SF1: variants seen among roughly 807,000 people sequenced by gnomAD.
SF1 encodes splicing factor 1, also known as branch point-binding protein.
In SF1, 7 loss-of-function variants were observed where a neutral mutation model predicts 62.5. The observed-to-expected ratio is 0.11, with a 90% CI of 0.06 to 0.21. The LOEUF (loss-of-function observed/expected upper bound fraction) is 0.21, where lower values mean the gene tolerates loss of function less well. Among genes scored for constraint, SF1 ranks in the 10% least tolerant of loss-of-function variants. The pLI, the probability that SF1 is intolerant of heterozygous loss-of-function variation, is 1.00. For synonymous variants in SF1, 394 were observed against 323.6 expected, an observed-to-expected ratio of 1.22 and a Z score of -2.33; for missense variants, 578 against 884.0, an observed-to-expected ratio of 0.65 and a Z score of 4.39.
In SF1 at chr11:64,767,066, T is replaced by C. The variant is rs147412519; in HGVS notation, c.1416A>G (p.Pro472=). ...RLHQGKGMMP[P]PPMGMMPPPP... ...GCGGCGGCATCATGCCCATAGGTGG[T>C]GGCGGCATCATACCTGTGGACAGGT... Residue 472 remains proline (P), a synonymous_variant, in exon 12 of 13, where the codon CCA becomes CCG. Coordinates refer to ENST00000377390, the MANE Select transcript of SF1 (RefSeq NM_004630.4). The C allele has an allele frequency of 2.8e-4, 446 of 1,583,544 alleles. No individual in the cohort carries two copies. Among genetic ancestry groups the C allele is most frequent in the Non-Finnish European group, 3.2e-4 (377 of 1,162,276 alleles).
Position 64,765,580 on chromosome 11 carries a change from A to C in SF1, c.*238T>G, listed in dbSNP as rs528989313. 694 of 1,548,326 alleles carry C rather than the reference A, an allele frequency of 4.5e-4. 1 individual carries two copies. Among genetic ancestry groups the C allele is most frequent in the Non-Finnish European group, 5.4e-4 (620 of 1,152,056 alleles). Reference sequence around the variant, plus strand: ...GGTGAGGAGAGAAAGAAGACAAAGAAGACACTCGATGCTACGGGGCGCCAG... The same window carrying C: ...GGTGAGGAGAGAAAGAAGACAAAGACGACACTCGATGCTACGGGGCGCCAG... On this transcript the variant is annotated 3_prime_UTR_variant, in exon 13 of 13. Transcript: ENST00000377390.
chr11:64,768,438 C>G, intron 8 of SF1, 152 bp from the exon 9 acceptor site: 1 of 717,432 alleles, frequency 1.4e-6, no homozygotes, highest in Non-Finnish European at 2.3e-6. Flanking sequence ...GCATGGCTCT[C>G]AACAGTCTCA....
intron 12 of SF1, chr11:64,766,439 C>T (rs1321236786): frequency 3.9e-6 from 2 of 512,766 alleles, no homozygotes; most frequent in South Asian, 5.1e-5. Flanking sequence ...CTCTGATGTC[C>T]CTCCGCCCAG....
At chr11:64,777,869 T>A (rs933594092) in intron 1 of SF1, 93 of 928,388 alleles carry the variant, frequency 1.0e-4, no homozygotes, top group Non-Finnish European at 1.1e-4. Flanking sequence ...CGCCCGGGCC[T>A]CCCCGTGCGC....
At position 64,768,966 on chromosome 11, in the gene SF1, A is replaced by G. The variant is rs979623408; in HGVS notation, c.887+56T>C. ...TAACAGCAACCAATGAATGTGCCAG[A>G]AAAGTTGTCCTGCACATCGCAGGCT... is the stretch of plus-strand genomic sequence containing the variant. On this transcript the variant is annotated intron_variant, in intron 8 of 12. Transcript: ENST00000377390. 6 of 1,165,314 alleles carry G rather than the reference A, an allele frequency of 5.1e-6. No individual in the cohort carries two copies. The East Asian group carries it at 9.3e-5, about 18-fold the overall frequency. The allele number at this position is 1,165,314 out of a possible 1,614,324, so 72.2% of individuals were successfully genotyped here. A position where few individuals can be genotyped will look rare whatever the true frequency, so the allele number is the denominator to read the frequency against.
intron 1 of SF1, 72 bp from the exon 2 acceptor site, chr11:64,776,698 G>A (rs1224676985): frequency 8.3e-6 from 12 of 1,451,734 alleles, no homozygotes; most frequent in South Asian, 6.2e-5. Context: ...GGGTATTTAA[G>A]GTACTACACA....
chr11:64,766,477 A>C, intron 12 of SF1: 1 of 469,048 alleles, frequency 2.1e-6, no homozygotes, highest in South Asian at 2.8e-5. Context: ...CGGCACATTC[A>C]ACCTCAAGGC....
intron 12 of SF1, chr11:64,766,539 C>T (rs1313093331): frequency 1.4e-5 from 6 of 417,928 alleles, no homozygotes; most frequent in Non-Finnish European, 2.1e-5. Context: ...TCTCTCACCC[C>T]AATCGCAGCC....
intron 4 of SF1, 94 bp downstream of exon 4, chr11:64,770,157 TGAGGC>T: frequency 6.4e-7 from 1 of 1,557,704 alleles, no homozygotes; most frequent in East Asian, 2.2e-5. Flanking sequence ...ATGGGTGACT[TGAGGC>T]AAGAGGTGAG....
In SF1 at chr11:64,765,806, T is replaced by C. The variant is rs566910333; in HGVS notation, c.*12A>G. 36 of 1,530,046 alleles carry C rather than the reference T, an allele frequency of 2.4e-5. No individual in the cohort carries two copies. The highest frequency in any genetic ancestry group is 3.2e-5 in the Non-Finnish European group (36 of 1,140,834). The allele number at this position is 1,530,046 out of a possible 1,614,324, so 94.8% of individuals were successfully genotyped here. A position where few individuals can be genotyped will look rare whatever the true frequency, so the allele number is the denominator to read the frequency against. On this transcript the variant is annotated 3_prime_UTR_variant, in exon 13 of 13. Transcript: ENST00000377390. ...TCTCTATATATAATATATATTTTCTTAAAAAACAAGTCTAGTTCTGTGGTG... is the reference window on the plus strand; with the variant it reads ...TCTCTATATATAATATATATTTTCTCAAAAAACAAGTCTAGTTCTGTGGTG...
At position 64,768,069 on chromosome 11, in the gene SF1, G is replaced by A. The variant is rs538713667; in HGVS notation, c.1068+37C>T. On this transcript the variant is annotated intron_variant, in intron 9 of 12. Transcript: ENST00000377390. ...CTCCCAGTCTCTGCAGTAGAGAATG[G>A]GGAAGCCAGACCAAGAGAGCCAGCC... 20 of 1,585,416 alleles carry A rather than the reference G, an allele frequency of 1.3e-5. No individual in the cohort carries two copies. The South Asian group carries it at 2.2e-4, about 17-fold the overall frequency.
Position 64,765,274 on chromosome 11 carries a change from T to C in SF1, c.*544A>G. On this transcript the variant is annotated 3_prime_UTR_variant, in exon 13 of 13. Transcript: ENST00000377390. ...CAGAAGACCGGGGAGAGCATCTCCT[T>C]GGACGGAGTCTGAAGAAAGGAAAAG... The C allele has an allele frequency of 1.7e-6, 1 of 577,254 alleles. No homozygotes were observed. The highest frequency in any genetic ancestry group is 3.1e-6 in the Non-Finnish European group (1 of 319,098). 35.8% of individuals were successfully genotyped at this position (577,254 alleles called of 1,614,324 possible).
chr11:64,770,473 A>G lies in SF1; in HGVS notation c.237-65T>C, dbSNP rs1172895828. On this transcript the variant is annotated intron_variant, in intron 3 of 12. Coordinates refer to ENST00000377390, the MANE Select transcript of SF1 (RefSeq NM_004630.4). ...TTCTCTCATTCCCACACGGACTATAACAAGTCTTTCCCAGCCCCTCTGCCT... is the reference window on the plus strand; with the variant it reads ...TTCTCTCATTCCCACACGGACTATAGCAAGTCTTTCCCAGCCCCTCTGCCT... 7 of 1,565,068 alleles carry G rather than the reference A, an allele frequency of 4.5e-6. No homozygotes were observed. In the African/African-American group the frequency reaches 5.4e-5, roughly 12 times the overall value.
In SF1 at chr11:64,768,291, A is replaced by G. The variant is rs1472001103; in HGVS notation, c.888-5T>C. 6.2e-7 allele frequency: 1 copy of G among 1,613,082 alleles called. No individual in the cohort carries two copies. Among genetic ancestry groups the G allele is most frequent in the Admixed American group, 1.7e-5 (1 of 59,794 alleles). On this transcript the variant is annotated splice_region_variant and splice_polypyrimidine_tract_variant and intron_variant, in intron 8 of 12. Coordinates refer to ENST00000377390, the MANE Select transcript of SF1 (RefSeq NM_004630.4). ...GCTGACTGAGGATCACCAGGCCTGA[A>G]GTGGGGTGGGGGACACAAACAGAGA... is the stretch of plus-strand genomic sequence containing the variant.
intron 8 of SF1, 104 bp from the exon 9 acceptor site, chr11:64,768,390 T>C: frequency 9.9e-7 from 1 of 1,014,988 alleles, no homozygotes; most frequent in Non-Finnish European, 1.5e-6. Context: ...AAGAATTCAA[T>C]CACCAGATCA....
chr11:64,766,867 C>T (rs777743473), intron 12 of SF1, 33 bp downstream of exon 12: 1 of 1,013,838 alleles, frequency 9.9e-7, no homozygotes, highest in Non-Finnish European at 1.4e-6. Flanking sequence ...CCCCATCCCA[C>T]CCACCCCCAC....
At position 64,778,380 on chromosome 11, in the gene SF1, C is replaced by T. The variant is rs1374925797; in HGVS notation, c.13G>A (p.Ala5Thr). 4.1e-6 allele frequency: 5 copies of T among 1,228,636 alleles called. No individual in the cohort carries two copies. Among genetic ancestry groups the T allele is most frequent in the East Asian group, 3.2e-5 (1 of 31,254 alleles). 76.1% of individuals were successfully genotyped at this position (1,228,636 alleles called of 1,614,324 possible). A position where few individuals can be genotyped will look rare whatever the true frequency, so the allele number is the denominator to read the frequency against. Residue 5 changes from alanine to threonine, a missense_variant, in exon 1 of 13, where the codon GCG becomes ACG. Around this residue, in one of 7 missense-constraint regions of SF1, gnomAD observed 37 missense variants for 34.6 expected, o/e 1.07. Transcript: ENST00000377390. The part of the protein sequence containing the change: MATG[A>T]NATPLDFPSK... ...AGCTTACCCAACGGCGTGGCGTTCGCTCCGGTCGCCATGGCGCCCCCGGGG... is the reference window on the plus strand; with the variant it reads ...AGCTTACCCAACGGCGTGGCGTTCGTTCCGGTCGCCATGGCGCCCCCGGGG...
intron 1 of SF1, chr11:64,777,745 G>T (rs1223331644): frequency 1.0e-4 from 101 of 985,468 alleles, no homozygotes; most frequent in Non-Finnish European, 1.2e-4. Context: ...GCACAGCCCG[G>T]CCACCTCACT....
At chr11:64,778,214 G>C in intron 1 of SF1, 148 bp downstream of exon 1, 1 of 1,143,732 alleles carries the variant, frequency 8.7e-7, no homozygotes, top group Non-Finnish European at 1.1e-6. Context: ...GAAGGCCGCG[G>C]TCAGGGCCCC....
Sources: gnomAD v4.1 joint callset for allele counts on GRCh38, gnomAD v4.1.1 for gene constraint, gnomAD v4.1.1 regional missense constraint, MANE v1.5 for transcripts, NCBI Gene and HGNC (gene_info 2026-07-23, HGNC 2026-07-21) for gene names.